CATSPERD: variants seen among roughly 807,000 people sequenced by gnomAD.
CATSPERD encodes cation channel sperm-associated auxiliary subunit delta.
In CATSPERD, 86 loss-of-function variants were observed where a neutral mutation model predicts 98.1. The observed-to-expected ratio is 0.88, with a 90% CI of 0.74 to 1.05. The LOEUF (loss-of-function observed/expected upper bound fraction) is 1.05. Ranked by LOEUF, CATSPERD falls within the 50% of genes least tolerant of loss-of-function variation. CATSPERD has a pLI of 0.00. For missense variants in CATSPERD, 995 were observed against 1,005.7 expected, an observed-to-expected ratio of 0.99 and a Z score of 0.14; for synonymous variants, 394 against 390.2, an observed-to-expected ratio of 1.01 and a Z score of -0.12.
At position 5,772,791 on chromosome 19, in the gene CATSPERD, G is replaced by A. The variant is rs767021425; in HGVS notation, c.1767G>A (p.Trp589Ter). The stretch of plus-strand genomic sequence containing the variant: ...CTGCCCCGTGCCTGTGTCCTAGGTG[G>A]CGAAAAGACAGTTTCCAGGAGGTCA... Reference protein sequence around the residue: ...DTLWKPVVELWRKDSFQEVID... With the variant: ...DTLWKPVVEL Residue 589 changes from tryptophan (W) to a stop codon, truncating the protein, a stop_gained, in exon 20 of 22, where the codon TGG becomes TGA. Coordinates refer to ENST00000381624, the MANE Select transcript of CATSPERD (RefSeq NM_152784.4). LOFTEE classifies it high-confidence loss of function. 6.2e-7 allele frequency: 1 copy of A among 1,613,544 alleles called. No homozygotes were observed. Among genetic ancestry groups the A allele is most frequent in the South Asian group, 1.1e-5 (1 of 91,004 alleles).
chr19:5,736,545 C>A (rs2055849760), intron 5 of CATSPERD, among the ~76,000 whole-genome samples: 1 of 150,710 alleles, frequency 6.6e-6, no homozygotes, highest in African/African-American at 2.4e-5. Context: ...GGCGAAACTC[C>A]GTCTCTACTA....
intron 7 of CATSPERD, among the ~76,000 whole-genome samples, chr19:5,741,048 GCACTGCAGTCTGGATGACAGAGTGAGAC>G (rs1326290425): frequency 2.1e-5 from 1 of 47,798 alleles, no homozygotes; most frequent in Non-Finnish European, 5.2e-5. Context: ...CAACGCCATT[GCACTGCAGTCTGGATGACAGAGTGAGAC>G]CCTGTCTTAA....
chr19:5,737,012 A>G (rs2145720587), intron 5 of CATSPERD, 126 bp from the exon 6 acceptor site: 1 of 533,376 alleles, frequency 1.9e-6, no homozygotes, highest in South Asian at 2.0e-5. Flanking sequence ...AGCCAGGATC[A>G]CGCCACTGCA....
At chr19:5,724,914 T>C (rs1409136384) in intron 2 of CATSPERD, 52 bp downstream of exon 2, 2 of 1,551,884 alleles carry the variant, frequency 1.3e-6, no homozygotes, top group African/African-American at 2.7e-5. Flanking sequence ...AAGTACAGGA[T>C]CAGAGGTAAC....
intron 3 of CATSPERD, among the ~76,000 whole-genome samples, chr19:5,727,728 G>A (rs1031508508): frequency 1.3e-5 from 2 of 152,094 alleles, no homozygotes; most frequent in Non-Finnish European, 2.9e-5. Context: ...AGCATTCAAA[G>A]GAATAAAAAC....
intron 7 of CATSPERD, among the ~76,000 whole-genome samples, chr19:5,739,843 A>AAAAAAAAAAAAG (rs1263067277): frequency 7.3e-4 from 44 of 60,512 alleles, no homozygotes; most frequent in African/African-American, 1.6e-3. Flanking sequence ...CATCTCAAAA[A>AAAAAAAAAAAAG]AAAAAAAAAA....
intron 4 of CATSPERD, among the ~76,000 whole-genome samples, chr19:5,731,560 GTT>G (rs67541709): frequency 1.1e-4 from 8 of 75,730 alleles, no homozygotes; most frequent in South Asian, 6.2e-4. Flanking sequence ...ACACTTAACA[GTT>G]TTTTTTTTTT....
chr19:5,758,797 ACCTGTAGTT>A (rs1399496326), intron 14 of CATSPERD, among the ~76,000 whole-genome samples: 1 of 151,418 alleles, frequency 6.6e-6, no homozygotes, highest in African/African-American at 2.4e-5. Context: ...GGTAACGCTC[ACCTGTAGTT>A]CCAGCTACTT....
chr19:5,772,752 C>A, intron 19 of CATSPERD, 36 bp from the exon 20 acceptor site: 1 of 1,594,210 alleles, frequency 6.3e-7, no homozygotes, highest in Non-Finnish European at 8.6e-7. Flanking sequence ...GTTGTCCCTG[C>A]TCCCTGCACA....
intron 6 of CATSPERD, among the ~76,000 whole-genome samples, chr19:5,737,514 C>T (rs1599527528): frequency 7.1e-6 from 1 of 140,748 alleles, no homozygotes; most frequent in Non-Finnish European, 1.5e-5. Flanking sequence ...TACACCACTG[C>T]ACTCCAGCCT....
chr19:5,758,322 C>T (rs2056366048), intron 14 of CATSPERD, among the ~76,000 whole-genome samples: 2 of 152,164 alleles, frequency 1.3e-5, no homozygotes, highest in South Asian at 4.1e-4. Flanking sequence ...AAAACAGTCA[C>T]TCCTCACTGT....
chr19:5,770,924 T>C lies in CATSPERD; in HGVS notation c.1635-20T>C, dbSNP rs375541420. 6.3e-6 allele frequency: 10 copies of C among 1,591,168 alleles called. No individual in the cohort carries two copies. The African/African-American group carries it at 1.2e-4, about 19-fold the overall frequency. On this transcript the variant is annotated intron_variant, in intron 18 of 21. Coordinates refer to ENST00000381624, the MANE Select transcript of CATSPERD (RefSeq NM_152784.4). ...CAGGAACTCACAGACTCCCCATCTC[T>C]GCTTCTTGGTGTCTTGAAGGGAATT...
intron 5 of CATSPERD, among the ~76,000 whole-genome samples, chr19:5,736,379 G>T (rs752445991): frequency 2.0e-5 from 3 of 152,204 alleles, no homozygotes; most frequent in Non-Finnish European, 2.9e-5. Context: ...AGAACCATCT[G>T]CTCCCAAATT....
chr19:5,743,111 G>A lies in CATSPERD; in HGVS notation c.574-1316G>A, dbSNP rs532849072. Among the ~76,000 whole-genome samples, 7 of 152,294 alleles carry A rather than the reference G, an allele frequency of 4.6e-5. No individual in the cohort carries two copies. In the East Asian group the frequency reaches 1.3e-3, roughly 29 times the overall value. ...GAGGTCAAGAGTTCAAGACCAGCCTGGCCAAGATGGTGAAACCTCATCTCT... is the reference window on the plus strand; with the variant it reads ...GAGGTCAAGAGTTCAAGACCAGCCTAGCCAAGATGGTGAAACCTCATCTCT... On this transcript the variant is annotated intron_variant, in intron 7 of 21. Coordinates refer to ENST00000381624, the MANE Select transcript of CATSPERD (RefSeq NM_152784.4).
intron 4 of CATSPERD, among the ~76,000 whole-genome samples, chr19:5,730,438 G>C (rs1368195915): frequency 2.0e-5 from 3 of 152,064 alleles, no homozygotes; most frequent in African/African-American, 7.2e-5. Flanking sequence ...AGCTACTTGG[G>C]AGGCTGAGGC....
intron 15 of CATSPERD, among the ~76,000 whole-genome samples, chr19:5,762,060 T>TATATATATATATATATATA (rs1568367069): frequency 8.3e-5 from 1 of 12,088 alleles, no homozygotes; most frequent in Non-Finnish European, 1.7e-4. Flanking sequence ...ATATATATAT[T>TATATATATATATATATATA]TTTTTTTTTT....
intron 11 of CATSPERD, among the ~76,000 whole-genome samples, chr19:5,750,609 T>C (rs1222860769): frequency 6.6e-6 from 1 of 150,868 alleles, no homozygotes; most frequent in Non-Finnish European, 1.5e-5. Context: ...GGCATGGTGG[T>C]GCATGCCTGT....
chr19:5,764,446 G>T (rs539202335), intron 16 of CATSPERD, among the ~76,000 whole-genome samples: 1 of 151,760 alleles, frequency 6.6e-6, no homozygotes, highest in Non-Finnish European at 1.5e-5. Context: ...CTCCCGTGTA[G>T]CTGGGACTAC....
At chr19:5,753,706 T>TAAAA in intron 12 of CATSPERD, 1 of 222,738 alleles carries the variant, frequency 4.5e-6, no homozygotes. Context: ...TTGTCTCTAT[T>TAAAA]AAAAAAAAAA....
Sources: allele counts gnomAD v4.1 joint callset (sites outside exome capture counted in the v4.1 genomes callset), GRCh38; gene constraint gnomAD v4.1.1; transcripts MANE v1.5; gene names NCBI Gene and HGNC (gene_info 2026-07-23, HGNC 2026-07-21).